MYBPC1: variants seen among roughly 807,000 people sequenced by gnomAD.
MYBPC1 encodes the protein myosin binding protein C1, also known as myosin-binding protein C, slow-type.
In MYBPC1, 52 loss-of-function variants were observed where a neutral mutation model predicts 147.1. The observed-to-expected ratio is 0.35, with a 90% CI of 0.28 to 0.45. The LOEUF (loss-of-function observed/expected upper bound fraction) is 0.45. MYBPC1 is among the 20% of genes least tolerant of loss of function. The pLI is 1.00. For synonymous variants in MYBPC1, 477 were observed against 475.9 expected (o/e 1.00, Z -0.03); for missense variants, 1,228 against 1,440.3 (o/e 0.85, Z 2.39).
intron 23 of MYBPC1, 23 bp downstream of exon 23, chr12:101,667,922 G>T (rs562480037): frequency 1.1e-5 from 17 of 1,611,060 alleles, no homozygotes; most frequent in Non-Finnish European, 1.4e-5. Flanking sequence ...GCTTTCAAAA[G>T]TTAGACTCCA....
At chr12:101,670,201 A>G (rs1594027778) in intron 23 of MYBPC1, 120 bp from the exon 24 acceptor site, 1 of 813,896 alleles carries the variant, frequency 1.2e-6, no homozygotes, top group African/African-American at 1.7e-5. Context: ...CACATCTCAG[A>G]GTTTATTGCA....
At chr12:101,623,592 T>A (rs893466414) in intron 3 of MYBPC1, among the ~76,000 whole-genome samples, 19 of 152,196 alleles carry the variant, frequency 1.2e-4, no homozygotes, top group Admixed American at 9.2e-4. Context: ...AAAACCTTTA[T>A]AAAGTATTCA....
intron 1 of MYBPC1, among the ~76,000 whole-genome samples, chr12:101,608,278 T>A (rs902942153): frequency 2.0e-4 from 31 of 152,212 alleles, no homozygotes; most frequent in African/African-American, 7.5e-4. Flanking sequence ...ACTAGTTCAT[T>A]TTTAGGTTGT....
chr12:101,673,207 G>A (rs1049085057), intron 24 of MYBPC1, among the ~76,000 whole-genome samples: 4 of 152,156 alleles, frequency 2.6e-5, no homozygotes, highest in African/African-American at 9.7e-5. Flanking sequence ...TTGATGTGAA[G>A]ATTAAGGAAA....
intron 9 of MYBPC1, 74 bp downstream of exon 9, chr12:101,634,679 C>T: frequency 8.4e-7 from 1 of 1,185,656 alleles, no homozygotes; most frequent in East Asian, 2.3e-5. Context: ...CATTTCCTTT[C>T]CCCTGTATTC....
chr12:101,640,281 G>A (rs1335945869), intron 10 of MYBPC1, among the ~76,000 whole-genome samples: 1 of 151,950 alleles, frequency 6.6e-6, no homozygotes, highest in Non-Finnish European at 1.5e-5. Flanking sequence ...TAAAGTGCTG[G>A]GATTACAAGA....
chr12:101,628,957 CCA>C, intron 5 of MYBPC1: 2 of 215,892 alleles, frequency 9.3e-6, no homozygotes, highest in South Asian at 8.2e-5. Flanking sequence ...AAATACCAGG[CCA>C]GGCTTGGCTT....
At chr12:101,611,561 A>G (rs764536203) in intron 1 of MYBPC1, among the ~76,000 whole-genome samples, 13 of 152,336 alleles carry the variant, frequency 8.5e-5, no homozygotes, top group Non-Finnish European at 1.8e-4. Flanking sequence ...GCCCTCCTTA[A>G]TTCTTTTGTA....
chr12:101,617,222 G>C lies in MYBPC1; in HGVS notation c.82G>C (p.Ala28Pro). 1 of 1,613,802 alleles carries C rather than the reference G, an allele frequency of 6.2e-7. No homozygotes were observed. The highest frequency in any genetic ancestry group is 8.5e-7 in the Non-Finnish European group (1 of 1,179,826). The change falls in exon 3 of 32, where the codon GCC (alanine) becomes CCC (proline). Residue 28 changes from alanine (A) to proline (P), a missense_variant. By Grantham distance (27) the Ala-to-Pro change is conservative (BLOSUM62 -1). Transcript: ENST00000361466. Reference protein sequence around the residue: ...PPEEPSKEKEAGTTPAKDEEE... With the variant: ...PPEEPSKEKEPGTTPAKDEEE... ...CACAGAACCAAGTAAAGAGAAGGAG[G>C]CCGGAACTACACCAGCAAAAGGTGA...
At chr12:101,628,088 G>A (rs1417462491) in intron 5 of MYBPC1, 1 of 382,810 alleles carries the variant, frequency 2.6e-6, no homozygotes. Flanking sequence ...TTTTGGGGAT[G>A]TACTAAAGTT....
At chr12:101,622,468 C>T (rs1169210187) in intron 3 of MYBPC1, among the ~76,000 whole-genome samples, 1 of 152,154 alleles carries the variant, frequency 6.6e-6, no homozygotes, top group African/African-American at 2.4e-5. Flanking sequence ...GGTGAGATGG[C>T]TTGTGCCTGT....
At chr12:101,635,537 C>T (rs1890814082) in intron 9 of MYBPC1, among the ~76,000 whole-genome samples, 1 of 152,060 alleles carries the variant, frequency 6.6e-6, no homozygotes, top group Non-Finnish European at 1.5e-5. Flanking sequence ...TCATAACTTT[C>T]AAATTTTATT....
intron 15 of MYBPC1, among the ~76,000 whole-genome samples, chr12:101,649,687 G>A (rs772072159): frequency 4.6e-5 from 7 of 152,246 alleles, no homozygotes; most frequent in Middle Eastern, 3.4e-3. Context: ...TTCCAAGACC[G>A]TAAAAATAGG....
rs1174100013 is a variant in MYBPC1 at position 101,646,808 on chromosome 12, T to C, written c.1011T>C (p.Asn337=). The C allele has an allele frequency of 5.0e-6, 8 of 1,613,082 alleles. No homozygotes were observed. Among genetic ancestry groups the C allele is most frequent in the Non-Finnish European group, 6.8e-6 (8 of 1,178,984 alleles). ...GATGCCAGAGAATCCTGTTTATCAATAACTGTCAGATGACAGATGATTCAG... is the reference window on the plus strand; with the variant it reads ...GATGCCAGAGAATCCTGTTTATCAACAACTGTCAGATGACAGATGATTCAG... ...HKGCQRILFI[N]NCQMTDDSEY... The change falls in exon 13 of 32, where the codon AAT becomes AAC. Residue 337 remains asparagine (N), a synonymous_variant. Transcript: ENST00000361466.
chr12:101,666,017 C>T (rs1235644343), intron 22 of MYBPC1, among the ~76,000 whole-genome samples: 1 of 152,098 alleles, frequency 6.6e-6, no homozygotes, highest in Non-Finnish European at 1.5e-5. Flanking sequence ...CAGTCCAGTC[C>T]CCAATGCCTC....
Position 101,608,087 on chromosome 12 carries a change from A to T in MYBPC1, c.26-6409A>T, listed in dbSNP as rs549215919. On this transcript the variant is annotated intron_variant, in intron 1 of 31. Coordinates refer to ENST00000361466, the MANE Select transcript of MYBPC1 (RefSeq NM_002465.4). ...GCTGTGCAGGCATGCCATTGGTGGC[A>T]TACCTGTGCTTTTTACAGTAGGTGA... Among the ~76,000 whole-genome samples the T allele has an allele frequency of 4.6e-5, 7 of 152,326 alleles. No individual in the cohort carries two copies. In the East Asian group the frequency reaches 7.7e-4, roughly 17 times the overall value.
In MYBPC1 at chr12:101,595,107, C is replaced by G. The variant is rs1392202510; in HGVS notation, c.25+12C>G. ...CACTAAGAAAGAGGGTAAGACTTATCTAGAAATCTTTTTGTTGTACTCCTG... is the reference window on the plus strand; with the variant it reads ...CACTAAGAAAGAGGGTAAGACTTATGTAGAAATCTTTTTGTTGTACTCCTG... On this transcript the variant is annotated intron_variant, in intron 1 of 31. Transcript: ENST00000361466. 4 of 1,608,722 alleles carry G rather than the reference C, an allele frequency of 2.5e-6. No homozygotes were observed. Among genetic ancestry groups the G allele is most frequent in the Non-Finnish European group, 3.4e-6 (4 of 1,175,286 alleles).
At chr12:101,606,774 G>T (rs1412794468) in intron 1 of MYBPC1, among the ~76,000 whole-genome samples, 1 of 152,086 alleles carries the variant, frequency 6.6e-6, no homozygotes, top group Non-Finnish European at 1.5e-5. Context: ...TAAGCAATTT[G>T]GCCAATAAAA....
intron 30 of MYBPC1, 43 bp from the exon 31 acceptor site, chr12:101,684,339 T>C (rs1011018976): frequency 6.7e-7 from 1 of 1,496,308 alleles, no homozygotes; most frequent in Non-Finnish European, 9.2e-7. Flanking sequence ...ACTTTATTAA[T>C]GCTTACGACT....
Sources: gnomAD v4.1 joint callset for allele counts (sites outside exome capture counted in the v4.1 genomes callset) on GRCh38, gnomAD v4.1.1 for gene constraint, MANE v1.5 for transcripts, NCBI Gene and HGNC (gene_info 2026-07-23, HGNC 2026-07-21) for gene names.